The following SENP5 variants were observed in gnomAD, a reference collection of about 807,000 sequenced individuals.
SENP5 encodes the protein SUMO specific peptidase 5, also known as sentrin-specific protease 5.
SENP5 carries 21 observed loss-of-function variants against 74.2 expected under a neutral mutation model. The ratio of observed to expected loss-of-function variants is 0.28; its 90% CI spans 0.20 to 0.41. The LOEUF (loss-of-function observed/expected upper bound fraction) is 0.41, where lower values mean the gene tolerates loss of function less well. Among genes scored for constraint, SENP5 ranks in the 10% least tolerant of loss-of-function variants. The pLI is 1.00. For missense variants in SENP5, 717 were observed against 889.1 expected, an observed-to-expected ratio of 0.81 and a Z score of 2.46; for synonymous variants, 311 against 312.7, an observed-to-expected ratio of 0.99 and a Z score of 0.06.
chr3:196,899,594 G>A (rs1327854047), intron 2 of SENP5, 72 bp from the exon 3 acceptor site: 5 of 867,446 alleles, frequency 5.8e-6, no homozygotes, highest in Non-Finnish European at 7.9e-6. Flanking sequence ...TATAGGTTAA[G>A]TGTTTGGAGA....
intron 6 of SENP5, among the ~76,000 whole-genome samples, chr3:196,921,701 C>G (rs1283157325): frequency 3.3e-5 from 5 of 152,020 alleles, no homozygotes; most frequent in African/African-American, 1.2e-4. Flanking sequence ...CACCTCACTC[C>G]CCCAGGTTTA....
rs188487951 is a variant in SENP5, at chr3:196,879,155, A to G, written c.-31-5996A>G. 5.9e-5 allele frequency among the ~76,000 whole-genome samples: 9 copies of G among 152,344 alleles called. No individual in the cohort carries two copies. The East Asian group carries it at 1.3e-3, about 23-fold the overall frequency. On this transcript the variant is annotated intron_variant, in intron 1 of 9. Transcript: ENST00000323460. Reference sequence around the variant, plus strand: ...CCTTGGACCCCAGCGGTAAATGTCAATACCAACCTGAATGTATTACAGCAA... The same window carrying G: ...CCTTGGACCCCAGCGGTAAATGTCAGTACCAACCTGAATGTATTACAGCAA...
chr3:196,934,097 C>T lies in SENP5; in HGVS notation c.*3174C>T, dbSNP rs933271751. On this transcript the variant is annotated 3_prime_UTR_variant, in exon 10 of 10. Coordinates refer to ENST00000323460, the MANE Select transcript of SENP5 (RefSeq NM_152699.5). ...GATTCAACTTTTAGTTACGTTCTCT[C>T]AAGAATCCTAATCAACTTTCAGTTA... 2.0e-5 allele frequency: 3 copies of T among 152,266 alleles called. No homozygotes were observed. The highest frequency in any genetic ancestry group is 2.4e-5 in the African/African-American group (1 of 41,542). 9.4% of individuals were successfully genotyped at this position (152,266 alleles called of 1,614,324 possible).
At chr3:196,914,586 A>AAAAAAATATATATATATAT in intron 6 of SENP5, 11 of 33,490 alleles carry the variant, frequency 3.3e-4, no homozygotes, top group African/African-American at 5.4e-4. Context: ...AAAAAAAAAA[A>AAAAAAATATATATATATAT]ATATATATAT....
At chr3:196,898,771 A>C (rs9819325) in intron 2 of SENP5, among the ~76,000 whole-genome samples, 1 of 151,706 alleles carries the variant, frequency 6.6e-6, no homozygotes. Context: ...ATTCTATGCG[A>C]TGATTCCATT....
intron 6 of SENP5, among the ~76,000 whole-genome samples, chr3:196,907,868 G>A (rs950877724): frequency 6.6e-6 from 1 of 151,192 alleles, no homozygotes. Flanking sequence ...CAAGCTTGCT[G>A]TAGATCCTCT....
At chr3:196,874,404 A>G (rs1018906035) in intron 1 of SENP5, among the ~76,000 whole-genome samples, 9 of 151,638 alleles carry the variant, frequency 5.9e-5, no homozygotes, top group Admixed American at 3.3e-4. Context: ...TTCTCCTGCA[A>G]ATGTCAAGAG....
intron 2 of SENP5, among the ~76,000 whole-genome samples, chr3:196,898,435 A>G (rs1714541843): frequency 6.6e-6 from 1 of 151,674 alleles, no homozygotes; most frequent in African/African-American, 2.4e-5. Flanking sequence ...CATCTTAAAA[A>G]AAAAAAATTA....
At chr3:196,892,143 G>A (rs1420516276) in intron 2 of SENP5, among the ~76,000 whole-genome samples, 1 of 149,996 alleles carries the variant, frequency 6.7e-6, no homozygotes, top group African/African-American at 2.5e-5. Context: ...TTCTTTTTAA[G>A]TTTTTGGTTT....
rs1366888535 is a variant in SENP5 at position 196,880,825 on chromosome 3, G to C, written c.-31-4326G>C. ...CCGGCTAATGTTTGTATTTTTAGTA[G>C]AGACAGGGTTTCACCGTGTTGGCCA... is the stretch of plus-strand genomic sequence containing the variant. On this transcript the variant is annotated intron_variant, in intron 1 of 9. Transcript: ENST00000323460. Among the ~76,000 whole-genome samples the C allele has an allele frequency of 3.3e-5, 5 of 151,930 alleles. No individual in the cohort carries two copies. The East Asian group carries it at 9.6e-4, about 29-fold the overall frequency.
rs1018327211 is a variant in SENP5, at chr3:196,922,523, C to T, written c.1885-891C>T. ...GGAATGCAGAGGTGTGATCATGGCT[C>T]ACTGCAGCCTCGACCTCCTGGGCTC... On this transcript the variant is annotated intron_variant, in intron 6 of 9. Coordinates refer to ENST00000323460, the MANE Select transcript of SENP5 (RefSeq NM_152699.5). Among the ~76,000 whole-genome samples, 5 of 152,268 alleles carry T rather than the reference C, an allele frequency of 3.3e-5. No homozygotes were observed. The East Asian group carries it at 7.7e-4, about 23-fold the overall frequency.
chr3:196,872,827 T>A (rs1254779940), intron 1 of SENP5, among the ~76,000 whole-genome samples: 2 of 152,224 alleles, frequency 1.3e-5, no homozygotes, highest in African/African-American at 4.8e-5. Flanking sequence ...ATTTCTGTCA[T>A]TGCAGAAATT....
chr3:196,870,074 C>G lies in SENP5; in HGVS notation c.-32+2001C>G, dbSNP rs1713145099. 2.0e-5 allele frequency among the ~76,000 whole-genome samples: 3 copies of G among 152,072 alleles called. No homozygotes were observed. In the South Asian group the frequency reaches 6.2e-4, roughly 31 times the overall value. ...ACGGGGTTCTGTGCTTCTCTAGTTG[C>G]CAAACATCTGATTGAAGTAGATCAC... is the stretch of plus-strand genomic sequence containing the variant. On this transcript the variant is annotated intron_variant, in intron 1 of 9. Coordinates refer to ENST00000323460, the MANE Select transcript of SENP5 (RefSeq NM_152699.5).
chr3:196,887,765 TTTTTTTA>T (rs374105744), intron 2 of SENP5, among the ~76,000 whole-genome samples: 38 of 152,208 alleles, frequency 2.5e-4, no homozygotes, highest in African/African-American at 6.3e-4. Flanking sequence ...CTTATCTGTC[TTTTTTTA>T]TTTTTTATTT....
intron 5 of SENP5, among the ~76,000 whole-genome samples, chr3:196,901,397 A>AT (rs891028886): frequency 6.6e-6 from 1 of 152,006 alleles, no homozygotes; most frequent in African/African-American, 2.4e-5. Flanking sequence ...GTAAAAAAAA[A>AT]CTCATCTTTC....
chr3:196,892,230 G>A (rs200312810), intron 2 of SENP5, among the ~76,000 whole-genome samples: 26 of 152,174 alleles, frequency 1.7e-4, no homozygotes, highest in Middle Eastern at 3.4e-3. Context: ...TGCAAACTCC[G>A]CCTCCCGGGT....
chr3:196,917,820 A>G (rs1204516908), intron 6 of SENP5, among the ~76,000 whole-genome samples: 1 of 152,220 alleles, frequency 6.6e-6, no homozygotes, highest in Non-Finnish European at 1.5e-5. Context: ...GGAGCTCTTT[A>G]ATCTGAAAGG....
At chr3:196,873,069 CTTTTTTTTTTT>C (rs572160747) in intron 1 of SENP5, among the ~76,000 whole-genome samples, 1 of 108,388 alleles carries the variant, frequency 9.2e-6, no homozygotes, top group Non-Finnish European at 1.8e-5. Flanking sequence ...TGAGATTTAA[CTTTTTTTTTTT>C]TTTTTTTTTT....
chr3:196,906,841 G>A (rs2108843627), intron 6 of SENP5, among the ~76,000 whole-genome samples: 1 of 152,320 alleles, frequency 6.6e-6, no homozygotes, highest in East Asian at 1.9e-4. Context: ...TGTTCTAACA[G>A]TACTGAAGAA....
Sources: gnomAD v4.1 joint callset for allele counts (sites outside exome capture counted in the v4.1 genomes callset) on GRCh38, gnomAD v4.1.1 for gene constraint, MANE v1.5 for transcripts, NCBI Gene and HGNC (gene_info 2026-07-23, HGNC 2026-07-21) for gene names.